Variants in GALNTL6 observed in about 807,000 individuals in gnomAD.
GALNTL6 encodes the protein polypeptide N-acetylgalactosaminyltransferase like 6, also known as polypeptide N-acetylgalactosaminyltransferase-like 6.
GALNTL6 carries 46 observed loss-of-function variants against 73.7 expected under a neutral mutation model. The ratio of observed to expected loss-of-function variants is 0.62; its 90% CI spans 0.49 to 0.80. The LOEUF (loss-of-function observed/expected upper bound fraction) is 0.80. Ranked by LOEUF, GALNTL6 falls within the 30% of genes least tolerant of loss-of-function variation. The probability of loss-of-function intolerance (pLI) is 0.00; values close to 1 mark genes in which losing one functional copy is unlikely to be tolerated. For missense variants in GALNTL6, 604 were observed against 755.0 expected, an observed-to-expected ratio of 0.80 and a Z score of 2.34; for synonymous variants, 259 against 263.7, an observed-to-expected ratio of 0.98 and a Z score of 0.17.
intron 2 of GALNTL6, among the ~76,000 whole-genome samples, chr4:172,129,934 T>C (rs922186762): frequency 3.3e-5 from 5 of 151,966 alleles, no homozygotes; most frequent in Non-Finnish European, 7.4e-5. Context: ...CCAACCTAAA[T>C]AACAAAGAGG....
At chr4:171,842,109 T>A (rs1023154740) in intron 2 of GALNTL6, among the ~76,000 whole-genome samples, 1 of 152,132 alleles carries the variant, frequency 6.6e-6, no homozygotes, top group African/African-American at 2.4e-5. Flanking sequence ...TACCTTTCGG[T>A]TTTGTCATTA....
At chr4:172,725,707 G>C (rs1397099949) in intron 5 of GALNTL6, among the ~76,000 whole-genome samples, 1 of 152,110 alleles carries the variant, frequency 6.6e-6, no homozygotes, top group African/African-American at 2.4e-5. Flanking sequence ...CTTTAAAGAG[G>C]TCTGGATTTG....
At chr4:172,880,035 T>C (rs1745377187) in intron 7 of GALNTL6, among the ~76,000 whole-genome samples, 1 of 152,012 alleles carries the variant, frequency 6.6e-6, no homozygotes, top group South Asian at 2.1e-4. Context: ...ATGAAGTAAA[T>C]GGAACTCAAC....
At chr4:172,872,085 G>A (rs1744978035) in intron 7 of GALNTL6, among the ~76,000 whole-genome samples, 1 of 152,140 alleles carries the variant, frequency 6.6e-6, no homozygotes, top group Non-Finnish European at 1.5e-5. Context: ...GAGCCACTGT[G>A]CCCAGCAAGT....
In GALNTL6 at chr4:172,633,764, T is replaced by A. The variant is rs554793439; in HGVS notation, c.554-175597T>A. ...TCACTTTGAATTGTAATTATCCCCA[T>A]GTGTCAAGGACAGGGCCGGGTGGAG... On this transcript the variant is annotated intron_variant, in intron 5 of 12. Coordinates refer to ENST00000506823, the MANE Select transcript of GALNTL6 (RefSeq NM_001034845.3). 9.2e-5 allele frequency among the ~76,000 whole-genome samples: 14 copies of A among 152,300 alleles called. No homozygotes were observed. The South Asian group carries it at 2.9e-3, about 32-fold the overall frequency.
intron 5 of GALNTL6, among the ~76,000 whole-genome samples, chr4:172,373,087 T>C (rs1464205406): frequency 6.6e-6 from 1 of 152,196 alleles, no homozygotes; most frequent in East Asian, 1.9e-4. Context: ...ATCATCCACA[T>C]ACTGAAGGAC....
At chr4:172,405,469 C>A (rs1227544023) in intron 5 of GALNTL6, among the ~76,000 whole-genome samples, 1 of 122,284 alleles carries the variant, frequency 8.2e-6, no homozygotes, top group African/African-American at 3.2e-5. Flanking sequence ...TTTTTTTTCT[C>A]CTTGCATTGA....
At chr4:172,543,454 G>A (rs1180036980) in intron 5 of GALNTL6, among the ~76,000 whole-genome samples, 1 of 152,208 alleles carries the variant, frequency 6.6e-6, no homozygotes. Context: ...AGATAGGGGC[G>A]CTGTCTTCCT....
At chr4:172,275,078 T>A (rs1738781138) in intron 3 of GALNTL6, among the ~76,000 whole-genome samples, 1 of 152,206 alleles carries the variant, frequency 6.6e-6, no homozygotes, top group Non-Finnish European at 1.5e-5. Flanking sequence ...AACAGATCTA[T>A]TAAACTGAGG....
At chr4:172,130,040 A>G (rs1041933858) in intron 2 of GALNTL6, among the ~76,000 whole-genome samples, 2 of 152,210 alleles carry the variant, frequency 1.3e-5, no homozygotes, top group Non-Finnish European at 2.9e-5. Flanking sequence ...CAGGAAAGTA[A>G]GGGAACACAG....
intron 5 of GALNTL6, among the ~76,000 whole-genome samples, chr4:172,356,770 T>C (rs957260277): frequency 2.0e-5 from 3 of 152,170 alleles, no homozygotes; most frequent in African/African-American, 7.2e-5. Flanking sequence ...AAAGATGAAG[T>C]CCTAAGTCAC....
chr4:172,046,558 C>A (rs541755458), intron 2 of GALNTL6, among the ~76,000 whole-genome samples: 19 of 152,152 alleles, frequency 1.2e-4, no homozygotes, highest in Non-Finnish European at 2.6e-4. Context: ...TTTATAAAAC[C>A]CAGTCTGACA....
Position 172,779,864 on chromosome 4 carries a change from C to T in GALNTL6, c.554-29497C>T, listed in dbSNP as rs1157169837. On this transcript the variant is annotated intron_variant, in intron 5 of 12. Coordinates refer to ENST00000506823, the MANE Select transcript of GALNTL6 (RefSeq NM_001034845.3). The stretch of plus-strand genomic sequence containing the variant: ...AGGCTTTAGAGAGATTTTTTTTTCC[C>T]CTTATCGTTGAGCTAACCAAGCACA... Among the ~76,000 whole-genome samples the T allele has an allele frequency of 2.6e-5, 4 of 151,928 alleles. No individual in the cohort carries two copies. In the East Asian group the frequency reaches 5.8e-4, roughly 22 times the overall value.
chr4:172,258,778 C>T (rs190769341), intron 3 of GALNTL6, among the ~76,000 whole-genome samples: 7 of 151,144 alleles, frequency 4.6e-5, no homozygotes, highest in Middle Eastern at 3.4e-3. Context: ...CCCCAATGTC[C>T]ATTATATCAT....
chr4:172,581,982 G>A (rs373478655), intron 5 of GALNTL6, among the ~76,000 whole-genome samples: 1 of 152,102 alleles, frequency 6.6e-6, no homozygotes, highest in South Asian at 2.1e-4. Flanking sequence ...TTTTGTTCTT[G>A]GATGTCTGTA....
rs201919696 is a variant in GALNTL6, at chr4:172,337,644, C to G, written c.387-10879C>G. On this transcript the variant is annotated intron_variant, in intron 4 of 12. Transcript: ENST00000506823. Reference sequence around the variant, plus strand: ...GGAAGTTGCTGTTAACCTGACTTTTCTTGTTGTTGCTGTTGAGGATCTGAC... The same window carrying G: ...GGAAGTTGCTGTTAACCTGACTTTTGTTGTTGTTGCTGTTGAGGATCTGAC... Among the ~76,000 whole-genome samples, 120 of 144,684 alleles carry G rather than the reference C, an allele frequency of 8.3e-4. 2 individuals are homozygous for G. In the South Asian group the frequency reaches 0.017, roughly 20 times the overall value. 94.9% of individuals were successfully genotyped at this position (144,684 alleles called of 152,430 possible).
intron 5 of GALNTL6, among the ~76,000 whole-genome samples, chr4:172,443,007 A>T (rs1731886864): frequency 1.3e-5 from 2 of 150,686 alleles, no homozygotes. Flanking sequence ...ATTTACCTTT[A>T]AAAAATATTT....
intron 10 of GALNTL6, among the ~76,000 whole-genome samples, chr4:172,990,318 AT>A (rs1204361851): frequency 6.6e-6 from 1 of 152,176 alleles, no homozygotes; most frequent in Non-Finnish European, 1.5e-5. Context: ...AGAAAGAAAT[AT>A]TTTTTTAATT....
intron 11 of GALNTL6, among the ~76,000 whole-genome samples, chr4:173,018,168 T>C (rs1321715035): frequency 6.6e-6 from 1 of 152,236 alleles, no homozygotes; most frequent in Non-Finnish European, 1.5e-5. Flanking sequence ...GGAAATGTGC[T>C]ATTTAAATAA....
Sources: allele counts gnomAD v4.1 joint callset (sites outside exome capture counted in the v4.1 genomes callset), GRCh38; gene constraint gnomAD v4.1.1; transcripts MANE v1.5; gene names NCBI Gene and HGNC (gene_info 2026-07-23, HGNC 2026-07-21).